Variants in HVCN1 observed in about 807,000 individuals in gnomAD.
HVCN1 encodes hydrogen voltage gated channel 1, also known as voltage-gated hydrogen channel 1.
A neutral mutation model predicts 29.2 loss-of-function variants in HVCN1; 14 were observed. The ratio of observed to expected loss-of-function variants is 0.48; its 90% CI spans 0.32 to 0.75. HVCN1 has a LOEUF of 0.75. Ranked by LOEUF, HVCN1 falls within the 30% of genes least tolerant of loss-of-function variation. HVCN1 has a pLI of 0.04. For synonymous variants in HVCN1, 131 were observed against 133.2 expected (o/e 0.98, Z 0.11); for missense variants, 263 against 341.8 (o/e 0.77, Z 1.82).
chr12:110,683,288 C>T, intron 2 of HVCN1, 24 bp from the exon 3 acceptor site: 1 of 1,592,742 alleles, frequency 6.3e-7, no homozygotes, highest in Non-Finnish European at 8.5e-7. Flanking sequence ...AGACATTTGT[C>T]CAGATCTATC....
intron 3 of HVCN1, among the ~76,000 whole-genome samples, chr12:110,668,760 C>T (rs1055429408): frequency 3.3e-5 from 5 of 152,216 alleles, no homozygotes; most frequent in African/African-American, 9.7e-5. Context: ...TTGCTGTCCC[C>T]ACTGTACCCT....
At chr12:110,665,268 T>C (rs1339802059) in intron 3 of HVCN1, among the ~76,000 whole-genome samples, 4 of 152,144 alleles carry the variant, frequency 2.6e-5, no homozygotes, top group South Asian at 4.1e-4. Context: ...TAATAGAAGA[T>C]TCAAAATGGT....
chr12:110,682,031 A>G (rs1431298410), intron 3 of HVCN1, among the ~76,000 whole-genome samples: 1 of 152,118 alleles, frequency 6.6e-6, no homozygotes, highest in Admixed American at 6.5e-5. Context: ...CTTGTCACCC[A>G]GGATGGAGTG....
At chr12:110,666,662 C>G (rs2068372599) in intron 3 of HVCN1, among the ~76,000 whole-genome samples, 1 of 152,218 alleles carries the variant, frequency 6.6e-6, no homozygotes, top group Admixed American at 6.5e-5. Context: ...CCCTCTGATG[C>G]TCCACACTGA....
upstream of HVCN1, among the ~76,000 whole-genome samples, chr12:110,693,162 A>G (rs1487630271): frequency 1.3e-5 from 2 of 151,724 alleles, no homozygotes; most frequent in Non-Finnish European, 2.9e-5. Context: ...TTAAATTGGG[A>G]TAATAGACAT....
intron 2 of HVCN1, among the ~76,000 whole-genome samples, chr12:110,686,777 C>T (rs561527166): frequency 1.6e-4 from 24 of 152,308 alleles, no homozygotes; most frequent in South Asian, 1.2e-3. Flanking sequence ...TAAATAGCTA[C>T]CTGGTCACAA....
intron 3 of HVCN1, among the ~76,000 whole-genome samples, chr12:110,679,646 G>T (rs1476126543): frequency 6.6e-6 from 1 of 152,136 alleles, no homozygotes; most frequent in African/African-American, 2.4e-5. Flanking sequence ...GAGGTCAGGA[G>T]ATCGAGACCA....
intron 2 of HVCN1, among the ~76,000 whole-genome samples, chr12:110,686,670 C>A (rs1332200629): frequency 6.6e-6 from 1 of 152,184 alleles, no homozygotes; most frequent in Non-Finnish European, 1.5e-5. Context: ...CTACCATGCC[C>A]TTCTCCATTA....
chr12:110,654,860 G>A (rs2067936261), intron 5 of HVCN1, among the ~76,000 whole-genome samples: 1 of 152,084 alleles, frequency 6.6e-6, no homozygotes, highest in South Asian at 2.1e-4. Context: ...GAACATCTGG[G>A]ATGGGCTCAG....
At chr12:110,671,732 G>T (rs953480537) in intron 3 of HVCN1, among the ~76,000 whole-genome samples, 7 of 152,180 alleles carry the variant, frequency 4.6e-5, no homozygotes, top group Admixed American at 3.3e-4. Context: ...AAACCACTTG[G>T]AGAAAGCCCG....
At chr12:110,700,203 AAGTGGAGAAGAGATCTTTGGGAACCTGCC>A in intron 2 of HVCN1, among the ~76,000 whole-genome samples, 1 of 152,346 alleles carries the variant, frequency 6.6e-6, no homozygotes, top group Non-Finnish European at 1.5e-5. Flanking sequence ...ATTGTTGAAG[AAGTGGAGAAGAGATCTTTGGGAACCTGCC>A]AGTTATGGTA....
At chr12:110,686,344 C>T (rs114361803) in intron 2 of HVCN1, among the ~76,000 whole-genome samples, 4,669 of 152,154 alleles carry the variant, frequency 0.031, 240 homozygotes, top group African/African-American at 0.11. Flanking sequence ...TTCAAGAAAA[C>T]TTTAAAGAGG....
chr12:110,649,525 G>A (rs1467939041), intron 7 of HVCN1, 50 bp from the exon 8 acceptor site: 2 of 1,376,090 alleles, frequency 1.5e-6, no homozygotes, highest in South Asian at 2.4e-5. Flanking sequence ...CCTCGCCAGG[G>A]ATGTGACAAT....
chr12:110,656,533 G>A (rs978543136), intron 4 of HVCN1, among the ~76,000 whole-genome samples: 9 of 152,106 alleles, frequency 5.9e-5, no homozygotes, highest in African/African-American at 7.2e-5. Context: ...AAAGGACCTC[G>A]AGTGACCCTT....
rs2136442067 is a variant in HVCN1, at chr12:110,683,219, C to T, written c.21+6G>A. 6.2e-7 allele frequency: 1 copy of T among 1,613,106 alleles called. No individual in the cohort carries two copies. The highest frequency in any genetic ancestry group is 2.2e-5 in the East Asian group (1 of 44,850). On this transcript the variant is annotated splice_donor_region_variant and intron_variant, in intron 3 of 7. Coordinates refer to ENST00000242607, the MANE Select transcript of HVCN1 (RefSeq NM_032369.4). Reference sequence around the variant, plus strand: ...TCTAATGCTGCAAGACCACAGAATCCATTACCTTTTCGTCCCAGGTGGCCA... The same window carrying T: ...TCTAATGCTGCAAGACCACAGAATCTATTACCTTTTCGTCCCAGGTGGCCA...
At chr12:110,672,594 G>T (rs1179800039) in intron 3 of HVCN1, among the ~76,000 whole-genome samples, 1 of 152,080 alleles carries the variant, frequency 6.6e-6, no homozygotes, top group Non-Finnish European at 1.5e-5. Flanking sequence ...TTTCTAATAG[G>T]TTTGGCTGAT....
intron 2 of HVCN1, among the ~76,000 whole-genome samples, chr12:110,695,295 CTT>C (rs965641713): frequency 9.2e-5 from 14 of 151,742 alleles, no homozygotes; most frequent in Non-Finnish European, 1.2e-4. Context: ...CACACACACA[CTT>C]ATATATAAAC....
chr12:110,679,380 G>C (rs1263537391), intron 3 of HVCN1, among the ~76,000 whole-genome samples: 2 of 152,204 alleles, frequency 1.3e-5, no homozygotes. Context: ...AGTCACCTGT[G>C]CCAAGGAACA....
rs112545410 is a variant in HVCN1 at position 110,661,914 on chromosome 12, C to T, written c.22-466G>A. ...CCATCACGCCACACATCCTGACAGG[C>T]GCGTGGCAGATGGACATTTTCCAAG... On this transcript the variant is annotated intron_variant, in intron 3 of 7. Coordinates refer to ENST00000242607, the MANE Select transcript of HVCN1 (RefSeq NM_032369.4). The surrounding 1 kb of genome is among the most constrained non-coding windows in gnomAD (Gnocchi z 6.2). Among the ~76,000 whole-genome samples the T allele has an allele frequency of 1.1e-3, 160 of 152,326 alleles. No individual in the cohort carries two copies. Among genetic ancestry groups the T allele is most frequent in the African/African-American group, 3.6e-3 (150 of 41,568 alleles).
Sources: gnomAD v4.1 joint callset for allele counts (sites outside exome capture counted in the v4.1 genomes callset) on GRCh38, gnomAD v4.1.1 for gene constraint, Gnocchi (gnomAD v3.1) non-coding constraint, MANE v1.5 for transcripts, NCBI Gene and HGNC (gene_info 2026-07-23, HGNC 2026-07-21) for gene names.